Variants in DEF6 observed in about 807,000 individuals in gnomAD.
DEF6 encodes DEF6 guanine nucleotide exchange factor.
In DEF6, 32 loss-of-function variants were observed where a neutral mutation model predicts 80.5. That is an observed-to-expected ratio of 0.40 (90% CI 0.30 to 0.53). The LOEUF (loss-of-function observed/expected upper bound fraction) is 0.53, where lower values mean the gene tolerates loss of function less well. DEF6 is among the 20% of genes least tolerant of loss of function. The probability of loss-of-function intolerance (pLI) is 0.57; values close to 1 mark genes in which losing one functional copy is unlikely to be tolerated. For missense variants in DEF6, 575 were observed against 818.7 expected (o/e 0.70, Z 3.63); for synonymous variants, 300 against 337.9 (o/e 0.89, Z 1.23).
intron 1 of DEF6, among the ~76,000 whole-genome samples, chr6:35,302,220 A>G (rs1441603586): frequency 1.3e-5 from 2 of 152,102 alleles, no homozygotes; most frequent in African/African-American, 4.8e-5. Flanking sequence ...AAAATTAGGC[A>G]TGATGGCTCC....
At chr6:35,304,023 C>G (rs1791359409) in intron 1 of DEF6, among the ~76,000 whole-genome samples, 1 of 152,116 alleles carries the variant, frequency 6.6e-6, no homozygotes, top group African/African-American at 2.4e-5. Flanking sequence ...ATCCCAGCTA[C>G]TCAGGAGGCT....
intron 5 of DEF6, among the ~76,000 whole-genome samples, chr6:35,314,161 A>G (rs556051406): frequency 6.6e-6 from 1 of 152,128 alleles, no homozygotes; most frequent in East Asian, 1.9e-4. Flanking sequence ...TAATCCCAGC[A>G]CTTTGGGAGG....
At chr6:35,308,731 T>C (rs925859481) in intron 1 of DEF6, among the ~76,000 whole-genome samples, 1 of 138,134 alleles carries the variant, frequency 7.2e-6, no homozygotes, top group African/African-American at 2.7e-5. Context: ...ATAAAATAAA[T>C]AAAATAATAA....
At chr6:35,317,761 C>A (rs540995097) in intron 5 of DEF6, 130 bp from the exon 6 acceptor site, 138 of 679,816 alleles carry the variant, frequency 2.0e-4, no homozygotes, top group Admixed American at 5.0e-4. Flanking sequence ...GCCATGCAGG[C>A]TCCTGGCAGA....
rs370538072 is a variant in DEF6, at chr6:35,315,597, A to AT, written c.808-2287dup. Among the ~76,000 whole-genome samples the AT allele has an allele frequency of 1.9e-3, 292 of 151,924 alleles. 1 individual carries two copies. The highest frequency in any genetic ancestry group is 6.2e-3 in the African/African-American group (257 of 41,444). On this transcript the variant is annotated intron_variant, in intron 5 of 10. Coordinates refer to ENST00000316637, the MANE Select transcript of DEF6 (RefSeq NM_022047.4). The stretch of plus-strand genomic sequence containing the variant: ...AATACATAGCATGGGATATCTCTCC[A>AT]TTTTTTTGCATCCTCTTCAATTTAT...
rs1356003493 is a variant in DEF6 at position 35,318,521 on chromosome 6, GGCCAGGGGCGGAGC to G, written c.1215+54_1215+67del. On this transcript the variant is annotated intron_variant, in intron 7 of 10. Transcript: ENST00000316637. This position sits in a 1 kb window ranked among gnomAD's most constrained non-coding sequence, Gnocchi z 5.1. ...GACGGGACCGGTGGGCTGGGAGGCT[GGCCAGGGGCGGAGC>G]GCCGGGGGCGGGGCCTGGGCAGAGG... 3.7e-6 allele frequency: 5 copies of G among 1,352,588 alleles called. No individual in the cohort carries two copies. The South Asian group carries it at 9.0e-5, about 24-fold the overall frequency. The allele number at this position is 1,352,588 out of a possible 1,614,324, so 83.8% of individuals were successfully genotyped here.
rs1185987906 is a variant in DEF6, at chr6:35,297,931, A to G, written c.75A>G (p.Lys25=). Residue 25 remains lysine (K), a synonymous_variant, in exon 1 of 11, where the codon AAA becomes AAG. Coordinates refer to ENST00000316637, the MANE Select transcript of DEF6 (RefSeq NM_022047.4). ...CGCTGGACGTGGAGAAGAGTGGCAAAGTCTCCAAGTCCCAGCTCAAGGTGA... is the reference window on the plus strand; with the variant it reads ...CGCTGGACGTGGAGAAGAGTGGCAAGGTCTCCAAGTCCCAGCTCAAGGTGA... The part of the protein sequence containing the change: ...FTALDVEKSG[K]VSKSQLKVLS... 6.2e-7 allele frequency: 1 copy of G among 1,604,054 alleles called. No individual in the cohort carries two copies. The highest frequency in any genetic ancestry group is 1.1e-5 in the South Asian group (1 of 89,028).
Position 35,312,235 on chromosome 6 carries a change from A to G in DEF6, c.424-67A>G, listed in dbSNP as rs1190751119. On this transcript the variant is annotated intron_variant, in intron 3 of 10. Coordinates refer to ENST00000316637, the MANE Select transcript of DEF6 (RefSeq NM_022047.4). The surrounding 1 kb of genome is among the most constrained non-coding windows in gnomAD (Gnocchi z 6.6). ...CCAGGCTCTGGGAGCCAGATAGAGC[A>G]CTCCCTGGTGTTGGTGCTGGCAACA... is the stretch of plus-strand genomic sequence containing the variant. 3 of 1,376,246 alleles carry G rather than the reference A, an allele frequency of 2.2e-6. No homozygotes were observed. In the East Asian group the frequency reaches 6.9e-5, roughly 32 times the overall value. 85.3% of individuals were successfully genotyped at this position (1,376,246 alleles called of 1,614,324 possible).
rs1204507785 is a variant in DEF6 at position 35,320,047 on chromosome 6, C to T, written c.1581+30C>T. Reference sequence around the variant, plus strand: ...GGCCTGGGGTGGGATGGGGTGGAGGCTGGCAGGGTGAGCTCATTAGGGCAC... The same window carrying T: ...GGCCTGGGGTGGGATGGGGTGGAGGTTGGCAGGGTGAGCTCATTAGGGCAC... On this transcript the variant is annotated intron_variant, in intron 9 of 10. Coordinates refer to ENST00000316637, the MANE Select transcript of DEF6 (RefSeq NM_022047.4). The T allele has an allele frequency of 1.9e-6, 3 of 1,548,126 alleles. No individual in the cohort carries two copies. The South Asian group carries it at 3.6e-5, about 18-fold the overall frequency.
In DEF6 at chr6:35,297,969, A is replaced by T. The variant is rs372296502; in HGVS notation, c.96+17A>T. On this transcript the variant is annotated intron_variant, in intron 1 of 10. Coordinates refer to ENST00000316637, the MANE Select transcript of DEF6 (RefSeq NM_022047.4). Reference sequence around the variant, plus strand: ...CAGCTCAAGGTGAGGGGCACCCGGGACCCGGGGGAGGACGGCAGATGCACC... The same window carrying T: ...CAGCTCAAGGTGAGGGGCACCCGGGTCCCGGGGGAGGACGGCAGATGCACC... 4.4e-6 allele frequency: 7 copies of T among 1,579,314 alleles called. No homozygotes were observed. In the African/African-American group the frequency reaches 8.1e-5, roughly 18 times the overall value.
chr6:35,305,221 C>A (rs1186745284), intron 1 of DEF6, among the ~76,000 whole-genome samples: 1 of 150,734 alleles, frequency 6.6e-6, no homozygotes, highest in Admixed American at 6.6e-5. Flanking sequence ...TCTCAGCTCA[C>A]TGCAGCCTTG....
intron 1 of DEF6, among the ~76,000 whole-genome samples, chr6:35,308,380 A>T (rs1791419756): frequency 6.6e-6 from 1 of 152,044 alleles, no homozygotes; most frequent in African/African-American, 2.4e-5. Flanking sequence ...GAAAAAAAAA[A>T]AAAAAGTTTT....
chr6:35,299,558 AG>A (rs926898996), intron 1 of DEF6, among the ~76,000 whole-genome samples: 4 of 152,172 alleles, frequency 2.6e-5, no homozygotes, highest in Non-Finnish European at 5.9e-5. Flanking sequence ...GCCCTCTAAA[AG>A]GGCCACTACC....
intron 1 of DEF6, among the ~76,000 whole-genome samples, chr6:35,304,399 CAG>C (rs1791365127): frequency 6.6e-6 from 1 of 152,302 alleles, no homozygotes; most frequent in East Asian, 1.9e-4. Context: ...TAAGTAAAAA[CAG>C]GGAGGAGGAA....
chr6:35,312,784 G>T lies in DEF6; in HGVS notation c.807+12G>T. 1.9e-6 allele frequency: 3 copies of T among 1,602,024 alleles called. No homozygotes were observed. Among genetic ancestry groups the T allele is most frequent in the East Asian group, 4.5e-5 (2 of 44,348 alleles). On this transcript the variant is annotated intron_variant, in intron 5 of 10. Transcript: ENST00000316637. This position sits in a 1 kb window ranked among gnomAD's most constrained non-coding sequence, Gnocchi z 6.6. ...ACTGCTGCGTGGAGGTGAGGGGCAG[G>T]ATGGGGGTGGAGGACATCTCAGGGC...
intron 1 of DEF6, among the ~76,000 whole-genome samples, chr6:35,299,006 A>T (rs1353209067): frequency 6.6e-6 from 1 of 152,154 alleles, no homozygotes; most frequent in Non-Finnish European, 1.5e-5. Context: ...GATGAATGGG[A>T]CAGAACAGTT....
At position 35,318,942 on chromosome 6, in the gene DEF6, AG is replaced by A. The variant is rs1376701838; in HGVS notation, c.1215+472del. Among the ~76,000 whole-genome samples the A allele has an allele frequency of 6.6e-6, 1 of 152,138 alleles. No individual in the cohort carries two copies. Among genetic ancestry groups the A allele is most frequent in the Non-Finnish European group, 1.5e-5 (1 of 68,022 alleles). On this transcript the variant is annotated intron_variant, in intron 7 of 10. Coordinates refer to ENST00000316637, the MANE Select transcript of DEF6 (RefSeq NM_022047.4). This position sits in a 1 kb window ranked among gnomAD's most constrained non-coding sequence, Gnocchi z 5.1. ...TAGGATTTAAGAAACCTGGATCTGGAGTCAGAAACACGTAGATTCAATCCTA... is the reference window on the plus strand; with the variant it reads ...TAGGATTTAAGAAACCTGGATCTGGATCAGAAACACGTAGATTCAATCCTA...
At chr6:35,301,340 C>CA (rs1791311553) in intron 1 of DEF6, among the ~76,000 whole-genome samples, 1 of 152,164 alleles carries the variant, frequency 6.6e-6, no homozygotes, top group African/African-American at 2.4e-5. Flanking sequence ...TAATGATGTG[C>CA]AGAGCACTTG....
At position 35,319,487 on chromosome 6, in the gene DEF6, G is replaced by C. The variant is rs1791562061; in HGVS notation, c.1216-37G>C. Reference sequence around the variant, plus strand: ...TCCTCCGCCCCCACGTGCCCCTTTTGACCTGGCTCTTGGTCCACCACCTCC... The same window carrying C: ...TCCTCCGCCCCCACGTGCCCCTTTTCACCTGGCTCTTGGTCCACCACCTCC... On this transcript the variant is annotated intron_variant, in intron 7 of 10. Coordinates refer to ENST00000316637, the MANE Select transcript of DEF6 (RefSeq NM_022047.4). This position sits in a 1 kb window ranked among gnomAD's most constrained non-coding sequence, Gnocchi z 4.5. 1 of 1,436,728 alleles carries C rather than the reference G, an allele frequency of 7.0e-7. No individual in the cohort carries two copies. Among genetic ancestry groups the C allele is most frequent in the Non-Finnish European group, 9.3e-7 (1 of 1,076,758 alleles). 89.0% of individuals were successfully genotyped at this position (1,436,728 alleles called of 1,614,324 possible).
Sources: gnomAD v4.1 joint callset for allele counts (sites outside exome capture counted in the v4.1 genomes callset) on GRCh38, gnomAD v4.1.1 for gene constraint, Gnocchi (gnomAD v3.1) non-coding constraint, MANE v1.5 for transcripts, NCBI Gene and HGNC (gene_info 2026-07-23, HGNC 2026-07-21) for gene names.